The following CNTNAP2 variants were observed in gnomAD, a reference collection of about 807,000 sequenced individuals.
CNTNAP2 encodes the protein contactin-associated protein-like 2.
A neutral mutation model predicts 155.2 loss-of-function variants in CNTNAP2; 98 were observed. The ratio of observed to expected loss-of-function variants is 0.63; its 90% CI spans 0.54 to 0.75. The LOEUF (loss-of-function observed/expected upper bound fraction) is 0.75, where lower values mean the gene tolerates loss of function less well. Ranked by LOEUF, CNTNAP2 falls within the 30% of genes least tolerant of loss-of-function variation. CNTNAP2 has a pLI of 0.00. For missense variants in CNTNAP2, 1,727 were observed against 1,688.1 expected (o/e 1.02, Z -0.40); for synonymous variants, 651 against 631.2 (o/e 1.03, Z -0.47).
chr7:146,469,775 G>A (rs929053636), intron 1 of CNTNAP2, among the ~76,000 whole-genome samples: 8 of 151,108 alleles, frequency 5.3e-5, no homozygotes, highest in South Asian at 2.1e-4. Flanking sequence ...AGATCCACAC[G>A]CCTAGGCCTC....
intron 9 of CNTNAP2, among the ~76,000 whole-genome samples, chr7:147,392,160 A>G (rs981924155): frequency 6.6e-6 from 1 of 152,046 alleles, no homozygotes; most frequent in Non-Finnish European, 1.5e-5. Flanking sequence ...CTAATTTCTG[A>G]TGACACTTTT....
At position 146,861,459 on chromosome 7, in the gene CNTNAP2, G is replaced by A. The variant is rs367828181; in HGVS notation, c.402+21555G>A. ...TACAGTTGTCTTATTTAATAAAATC[G>A]ATAGAAAACTTTTAGTGAAGAATAA... On this transcript the variant is annotated intron_variant, in intron 3 of 23. Transcript: ENST00000361727. 6.9e-4 allele frequency among the ~76,000 whole-genome samples: 105 copies of A among 152,168 alleles called. 1 individual carries two copies. The highest frequency in any genetic ancestry group is 2.4e-3 in the African/African-American group (99 of 41,534).
intron 13 of CNTNAP2, among the ~76,000 whole-genome samples, chr7:147,768,096 A>T (rs987116654): frequency 2.0e-5 from 3 of 152,146 alleles, no homozygotes; most frequent in Non-Finnish European, 4.4e-5. Context: ...TTCCTTTCAG[A>T]AATTGACCAT....
chr7:147,534,491 C>A (rs1175993084), intron 11 of CNTNAP2, among the ~76,000 whole-genome samples: 1 of 152,112 alleles, frequency 6.6e-6, no homozygotes, highest in Non-Finnish European at 1.5e-5. Context: ...CAGGATAGGG[C>A]AATCATATGA....
At chr7:148,229,585 TG>T in intron 19 of CNTNAP2, 60 bp from the exon 20 acceptor site, 1 of 1,563,492 alleles carries the variant, frequency 6.4e-7, no homozygotes, top group South Asian at 1.1e-5. Context: ...ATTGAGGGGA[TG>T]TGACATTAAA....
chr7:147,264,167 C>T (rs550842173), intron 8 of CNTNAP2, among the ~76,000 whole-genome samples: 12 of 152,076 alleles, frequency 7.9e-5, no homozygotes, highest in African/African-American at 2.2e-4. Flanking sequence ...ATGAAGTGAA[C>T]GCATGAAAAA....
At chr7:147,646,842 G>T (rs773046227) in intron 13 of CNTNAP2, among the ~76,000 whole-genome samples, 5 of 152,312 alleles carry the variant, frequency 3.3e-5, no homozygotes, top group Non-Finnish European at 5.9e-5. Flanking sequence ...CAGGAGCAAA[G>T]ATCACGTGGA....
At chr7:146,315,607 G>A (rs1030283811) in intron 1 of CNTNAP2, among the ~76,000 whole-genome samples, 1 of 152,160 alleles carries the variant, frequency 6.6e-6, no homozygotes, top group African/African-American at 2.4e-5. Flanking sequence ...AGCATCAAGA[G>A]TCTCCTCTCT....
intron 9 of CNTNAP2, among the ~76,000 whole-genome samples, chr7:147,376,300 T>C (rs1273514474): frequency 1.3e-5 from 2 of 151,860 alleles, no homozygotes; most frequent in Admixed American, 6.6e-5. Context: ...CAAGGAAGTA[T>C]AACTGTGTGA....
chr7:146,759,537 C>CA (rs551652082), intron 1 of CNTNAP2, among the ~76,000 whole-genome samples: 12 of 151,094 alleles, frequency 7.9e-5, no homozygotes, highest in Admixed American at 6.0e-4. Context: ...ACTAAAAATA[C>CA]AAAAAAAATT....
intron 9 of CNTNAP2, among the ~76,000 whole-genome samples, chr7:147,351,265 GA>G (rs539829868): frequency 2.0e-5 from 3 of 151,344 alleles, no homozygotes; most frequent in Non-Finnish European, 4.4e-5. Context: ...TAATAATGTA[GA>G]AAAAAAATTT....
At chr7:147,772,487 C>CAAA (rs1176053630) in intron 13 of CNTNAP2, among the ~76,000 whole-genome samples, 5 of 91,394 alleles carry the variant, frequency 5.5e-5, no homozygotes, top group African/African-American at 2.5e-4. Flanking sequence ...TATATATACA[C>CAAA]ACACAAAAAA....
At chr7:147,447,392 G>GTAAC (rs1797758255) in intron 10 of CNTNAP2, among the ~76,000 whole-genome samples, 1 of 152,132 alleles carries the variant, frequency 6.6e-6, no homozygotes, top group African/African-American at 2.4e-5. Flanking sequence ...CAATATTTAA[G>GTAAC]GTTATAGTAT....
intron 3 of CNTNAP2, among the ~76,000 whole-genome samples, chr7:146,860,438 G>A (rs1795075249): frequency 1.3e-5 from 2 of 152,148 alleles, no homozygotes; most frequent in South Asian, 4.1e-4. Flanking sequence ...AGAGGACAAA[G>A]GCATTTCCAT....
intron 1 of CNTNAP2, among the ~76,000 whole-genome samples, chr7:146,307,056 T>C (rs993976687): frequency 7.9e-5 from 12 of 152,166 alleles, no homozygotes; most frequent in Non-Finnish European, 1.5e-4. Context: ...TGTTTGCAGA[T>C]GACATGATTG....
In CNTNAP2 at chr7:146,943,300, T is replaced by G. The variant is rs562907945; in HGVS notation, c.403-100607T>G. ...TGAGATCAGGAATTCGAGACCAGCC[T>G]GGCCAACATGGCGAAATCCTGTCTC... On this transcript the variant is annotated intron_variant, in intron 3 of 23. Transcript: ENST00000361727. Among the ~76,000 whole-genome samples the G allele has an allele frequency of 5.3e-5, 8 of 152,288 alleles. No homozygotes were observed. The East Asian group carries it at 1.5e-3, about 29-fold the overall frequency.
chr7:147,301,772 T>A (rs543460248), intron 9 of CNTNAP2, among the ~76,000 whole-genome samples: 95 of 152,096 alleles, frequency 6.2e-4, no homozygotes, highest in African/African-American at 2.1e-3. Flanking sequence ...TATGAAAGAC[T>A]TAGTAAATTC....
chr7:147,952,398 C>T (rs781466947), intron 14 of CNTNAP2, among the ~76,000 whole-genome samples: 3 of 151,598 alleles, frequency 2.0e-5, no homozygotes, highest in Non-Finnish European at 2.9e-5. Flanking sequence ...GCCAAGGCCA[C>T]GCCATTGCAC....
chr7:148,242,582 G>T (rs763621789), intron 20 of CNTNAP2, among the ~76,000 whole-genome samples: 2 of 152,262 alleles, frequency 1.3e-5, no homozygotes, highest in Non-Finnish European at 2.9e-5. Flanking sequence ...CGGGTTACTT[G>T]CATCTGTCGC....
Sources: gnomAD v4.1 joint callset for allele counts (sites outside exome capture counted in the v4.1 genomes callset) on GRCh38, gnomAD v4.1.1 for gene constraint, MANE v1.5 for transcripts, NCBI Gene and HGNC (gene_info 2026-07-23, HGNC 2026-07-21) for gene names.